PLPP4: variants seen among roughly 807,000 people sequenced by gnomAD.
PLPP4 encodes the protein diacylglycerol pyrophosphate like 2.
PLPP4 carries 20 observed loss-of-function variants against 32.2 expected under a neutral mutation model. That is an observed-to-expected ratio of 0.62 (90% CI 0.44 to 0.90). The LOEUF is 0.90. Among genes scored for constraint, PLPP4 ranks in the 40% least tolerant of loss-of-function variants. The probability of loss-of-function intolerance (pLI) is 0.00; values close to 1 mark genes in which losing one functional copy is unlikely to be tolerated. For missense variants in PLPP4, 257 were observed against 353.1 expected (o/e 0.73, Z 2.18); for synonymous variants, 127 against 133.0 (o/e 0.95, Z 0.31).
intron 2 of PLPP4, among the ~76,000 whole-genome samples, chr10:120,506,864 G>A (rs115812910): frequency 6.6e-6 from 1 of 152,182 alleles, no homozygotes; most frequent in African/African-American, 2.4e-5. Flanking sequence ...GATTCCAAGA[G>A]CTTGTTTCCC....
chr10:120,589,766 T>A lies in PLPP4; in HGVS notation c.*264T>A. The stretch of plus-strand genomic sequence containing the variant: ...GTGGGGTTTGGGGAGCTTGGCCGAT[T>A]CGTCTATCTGAAATGTTTGCTGTAA... On this transcript the variant is annotated 3_prime_UTR_variant, in exon 7 of 7. Coordinates refer to ENST00000398250, the MANE Select transcript of PLPP4 (RefSeq NM_001030059.3). The A allele has an allele frequency of 2.3e-6, 1 of 426,426 alleles. No homozygotes were observed. Among genetic ancestry groups the A allele is most frequent in the Non-Finnish European group, 4.2e-6 (1 of 239,472 alleles). 26.4% of individuals were successfully genotyped at this position (426,426 alleles called of 1,614,324 possible).
chr10:120,528,774 T>TTGTTGTTTTTTTGTTTTG (rs1756067556), intron 5 of PLPP4, among the ~76,000 whole-genome samples: 2 of 151,958 alleles, frequency 1.3e-5, no homozygotes, highest in African/African-American at 4.8e-5. Flanking sequence ...GTTTCTCAAC[T>TTGTTGTTTTTTTGTTTTG]TGTTGTTTTT....
At chr10:120,495,468 T>C (rs554016975) in intron 1 of PLPP4, among the ~76,000 whole-genome samples, 1 of 152,258 alleles carries the variant, frequency 6.6e-6, no homozygotes, top group East Asian at 1.9e-4. Context: ...GTGGCCTGCC[T>C]TTTCTGCTGA....
At chr10:120,578,567 C>A (rs2134064316) in intron 6 of PLPP4, among the ~76,000 whole-genome samples, 1 of 152,300 alleles carries the variant, frequency 6.6e-6, no homozygotes, top group East Asian at 1.9e-4. Flanking sequence ...CATTCATATC[C>A]AATAAATAGT....
At chr10:120,545,246 G>A (rs1847561689) in intron 5 of PLPP4, among the ~76,000 whole-genome samples, 4 of 152,222 alleles carry the variant, frequency 2.6e-5, no homozygotes, top group Admixed American at 2.6e-4. Context: ...TAAGTCCTGG[G>A]TGGAGGCCCA....
chr10:120,511,814 C>T (rs1845738212), intron 2 of PLPP4, among the ~76,000 whole-genome samples: 1 of 152,136 alleles, frequency 6.6e-6, no homozygotes, highest in Non-Finnish European at 1.5e-5. Context: ...CATTTCCGGG[C>T]CAGGTGCGGT....
intron 1 of PLPP4, among the ~76,000 whole-genome samples, chr10:120,465,976 A>G (rs1848288906): frequency 6.6e-6 from 1 of 152,068 alleles, no homozygotes; most frequent in East Asian, 1.9e-4. Context: ...ATTTTTGGCT[A>G]TTAAGTGCAA....
chr10:120,479,034 G>A (rs980161774), intron 1 of PLPP4, among the ~76,000 whole-genome samples: 1 of 152,168 alleles, frequency 6.6e-6, no homozygotes, highest in Non-Finnish European at 1.5e-5. Context: ...AGACCATCCT[G>A]GCTAACATGG....
At chr10:120,567,010 C>A (rs564424109) in intron 5 of PLPP4, among the ~76,000 whole-genome samples, 42 of 152,260 alleles carry the variant, frequency 2.8e-4, no homozygotes, top group Non-Finnish European at 5.9e-5. Context: ...ATGCTCGGGG[C>A]CAAGTGTGGA....
chr10:120,550,795 T>C (rs942924177), intron 5 of PLPP4, among the ~76,000 whole-genome samples: 7 of 152,014 alleles, frequency 4.6e-5, no homozygotes, highest in African/African-American at 9.7e-5. Context: ...ATAAATCATA[T>C]AGAAGATAAT....
chr10:120,573,019 A>T (rs1241305097), intron 5 of PLPP4, among the ~76,000 whole-genome samples: 1 of 152,088 alleles, frequency 6.6e-6, no homozygotes, highest in Non-Finnish European at 1.5e-5. Context: ...AAATCCTAGG[A>T]CTCTAAATCA....
chr10:120,542,787 C>T lies in PLPP4; in HGVS notation c.445+21692C>T, dbSNP rs80286320. 8.6e-3 allele frequency among the ~76,000 whole-genome samples: 1,311 copies of T among 152,268 alleles called. 24 individuals carry two copies. Among genetic ancestry groups the T allele is most frequent in the African/African-American group, 0.03 (1,259 of 41,552 alleles). ...TCTAAACCCACTGCAGAGTGACTGT[C>T]GATGATGCTTCATTGTGGGCATTTG... On this transcript the variant is annotated intron_variant, in intron 5 of 6. Coordinates refer to ENST00000398250, the MANE Select transcript of PLPP4 (RefSeq NM_001030059.3).
intron 1 of PLPP4, among the ~76,000 whole-genome samples, chr10:120,500,681 TGG>T (rs140504817): frequency 1.1e-4 from 2 of 18,596 alleles, no homozygotes; most frequent in African/African-American, 4.9e-4. Flanking sequence ...TTTCTGGGGG[TGG>T]GGGGGTGGGG....
intron 6 of PLPP4, chr10:120,581,228 CT>C: frequency 2.0e-6 from 2 of 985,408 alleles, no homozygotes; most frequent in Non-Finnish European, 2.4e-6. Flanking sequence ...GGCATCCTTC[CT>C]TTGTTTTACT....
At position 120,576,314 on chromosome 10, in the gene PLPP4, T is replaced by C. The variant is rs116195994; in HGVS notation, c.616+1013T>C. Among the ~76,000 whole-genome samples, 455 of 152,348 alleles carry C rather than the reference T, an allele frequency of 3.0e-3. 2 individuals are homozygous for C. The highest frequency in any genetic ancestry group is 0.01 in the African/African-American group (433 of 41,578). On this transcript the variant is annotated intron_variant, in intron 6 of 6. Coordinates refer to ENST00000398250, the MANE Select transcript of PLPP4 (RefSeq NM_001030059.3). ...TCCTCTCCCTTTCTTGTTTTCCGAC[T>C]GTTGCTGGGCATTGTTCACCTCCTT... is the stretch of plus-strand genomic sequence containing the variant.
chr10:120,462,753 T>A (rs1397576136), intron 1 of PLPP4, among the ~76,000 whole-genome samples: 2 of 145,030 alleles, frequency 1.4e-5, no homozygotes, highest in South Asian at 2.3e-4. Context: ...CCGCAGAATC[T>A]GCATTTTGAA....
rs1846094505 is a variant in PLPP4 at position 120,520,226 on chromosome 10, C to A, written c.321-745C>A. On this transcript the variant is annotated intron_variant, in intron 4 of 6. Coordinates refer to ENST00000398250, the MANE Select transcript of PLPP4 (RefSeq NM_001030059.3). ...GCCTCTAGAGATCTCTTTCCCATGT[C>A]CTAGACCAGAGAGGCCAACCTGGGG... Among the ~76,000 whole-genome samples, 3 of 152,130 alleles carry A rather than the reference C, an allele frequency of 2.0e-5. No homozygotes were observed. The South Asian group carries it at 6.2e-4, about 32-fold the overall frequency.
intron 5 of PLPP4, among the ~76,000 whole-genome samples, chr10:120,554,197 G>A (rs989421751): frequency 6.6e-6 from 1 of 152,088 alleles, no homozygotes. Flanking sequence ...AATTTCTTCT[G>A]CCAGATACTG....
chr10:120,552,966 G>A lies in PLPP4; in HGVS notation c.446-22165G>A, dbSNP rs553469191. Among the ~76,000 whole-genome samples, 13 of 152,330 alleles carry A rather than the reference G, an allele frequency of 8.5e-5. No individual in the cohort carries two copies. In the South Asian group the frequency reaches 2.5e-3, roughly 29 times the overall value. On this transcript the variant is annotated intron_variant, in intron 5 of 6. Coordinates refer to ENST00000398250, the MANE Select transcript of PLPP4 (RefSeq NM_001030059.3). ...TAGGTAGCACTTCTGCTGTGCTTGA[G>A]AGGGGCATGGACATTAGAGTTCTCA...
Sources: allele counts gnomAD v4.1 joint callset (sites outside exome capture counted in the v4.1 genomes callset), GRCh38; gene constraint gnomAD v4.1.1; transcripts MANE v1.5; gene names NCBI Gene and HGNC (gene_info 2026-07-23, HGNC 2026-07-21).